The following SPAM1 variants were observed in gnomAD, a reference collection of about 807,000 sequenced individuals.
SPAM1 encodes the protein sperm adhesion molecule 1.
Under a neutral mutation model 29.6 loss-of-function variants are expected in SPAM1, and 22 were observed. The ratio of observed to expected loss-of-function variants is 0.74; its 90% CI spans 0.53 to 1.06. The LOEUF is 1.06. Among genes scored for constraint, SPAM1 ranks in the 50% least tolerant of loss-of-function variants. The probability of loss-of-function intolerance (pLI) is 0.00; values close to 1 mark genes in which losing one functional copy is unlikely to be tolerated. For missense variants in SPAM1, 534 were observed against 604.0 expected, an observed-to-expected ratio of 0.88 and a Z score of 1.21; for synonymous variants, 194 against 204.6, an observed-to-expected ratio of 0.95 and a Z score of 0.44.
At chr7:123,957,564 T>C (rs1792275435) in intron 4 of SPAM1, among the ~76,000 whole-genome samples, 1 of 152,030 alleles carries the variant, frequency 6.6e-6, no homozygotes, top group African/African-American at 2.4e-5. Context: ...TAGTTTTCTA[T>C]TGCTTTCATA....
At chr7:123,957,425 T>C (rs942134750) in intron 4 of SPAM1, among the ~76,000 whole-genome samples, 3 of 151,892 alleles carry the variant, frequency 2.0e-5, no homozygotes, top group African/African-American at 7.2e-5. Flanking sequence ...AGAATGGATG[T>C]GGGAAGGTTG....
Position 123,953,623 on chromosome 7 carries a change from G to A in SPAM1, c.53G>A (p.Ser18Asn), listed in dbSNP as rs774245869. 87 of 1,606,380 alleles carry A rather than the reference G, an allele frequency of 5.4e-5. No individual in the cohort carries two copies. Among genetic ancestry groups the A allele is most frequent in the Non-Finnish European group, 7.3e-5 (86 of 1,177,836 alleles). Reference protein sequence around the residue: ...HIFFRSFVKSSGVSQIVFTFL... With the variant: ...HIFFRSFVKSNGVSQIVFTFL... The stretch of plus-strand genomic sequence containing the variant: ...TTTTTCAGAAGCTTTGTTAAATCAA[G>A]TGGAGTATCCCAGATAGTTTTCACC... The change falls in exon 3 of 5, where the codon AGT becomes AAT. Residue 18 changes from serine to asparagine, a missense_variant. Transcript: ENST00000682466.
chr7:123,943,334 C>T (rs1427797906), intron 1 of SPAM1, among the ~76,000 whole-genome samples: 3 of 151,998 alleles, frequency 2.0e-5, no homozygotes, highest in African/African-American at 4.8e-5. Context: ...GGTTATAATG[C>T]CACCTTTTGA....
downstream of SPAM1, among the ~76,000 whole-genome samples, chr7:123,962,206 G>A (rs1396856630): frequency 6.6e-6 from 1 of 151,888 alleles, no homozygotes; most frequent in African/African-American, 2.4e-5. Context: ...TTTGATAACA[G>A]CAATTCTAAC....
intron 1 of SPAM1, among the ~76,000 whole-genome samples, chr7:123,938,768 G>C (rs1203866514): frequency 1.3e-5 from 2 of 152,190 alleles, no homozygotes; most frequent in African/African-American, 2.4e-5. Context: ...CAAACCCATA[G>C]CCCTCATTAT....
At position 123,951,293 on chromosome 7, in the gene SPAM1, G is replaced by A. The variant is rs116330761; in HGVS notation, c.-207+1310G>A. On this transcript the variant is annotated intron_variant, in intron 2 of 4. Transcript: ENST00000682466. ...TCCAGTTTGTTCCATTTTTGTTTTTGTTGCATTTGCTTTTGGGGTCTTAGT... is the reference window on the plus strand; with the variant it reads ...TCCAGTTTGTTCCATTTTTGTTTTTATTGCATTTGCTTTTGGGGTCTTAGT... Among the ~76,000 whole-genome samples the A allele has an allele frequency of 2.8e-3, 424 of 152,026 alleles. 2 individuals carry two copies. The highest frequency in any genetic ancestry group is 9.9e-3 in the African/African-American group (410 of 41,494).
chr7:123,937,565 C>T (rs925047460), intron 1 of SPAM1, among the ~76,000 whole-genome samples: 14 of 136,566 alleles, frequency 1.0e-4, no homozygotes, highest in Middle Eastern at 4.2e-3. Flanking sequence ...CGCGCCACTG[C>T]ACTCCAGCCT....
Position 123,929,291 on chromosome 7 carries a change from G to C in SPAM1, c.-319+3939G>C, listed in dbSNP as rs1162400432. On this transcript the variant is annotated intron_variant, in intron 1 of 4. Transcript: ENST00000682466. The stretch of plus-strand genomic sequence containing the variant: ...CACTTTTATGAGGCCCTAAATATCA[G>C]CTGCCAGCTGAGTCATTTCCTGGTC... Among the ~76,000 whole-genome samples the C allele has an allele frequency of 2.6e-5, 4 of 152,214 alleles. No homozygotes were observed. The South Asian group carries it at 8.3e-4, about 32-fold the overall frequency.
intron 1 of SPAM1, among the ~76,000 whole-genome samples, chr7:123,939,932 A>T (rs1808377305): frequency 6.6e-6 from 1 of 152,074 alleles, no homozygotes; most frequent in Admixed American, 6.5e-5. Flanking sequence ...CCTCTTAGTA[A>T]TTTTCTATCC....
chr7:123,926,526 C>T lies in SPAM1; in HGVS notation c.-319+1174C>T, dbSNP rs1807889632. On this transcript the variant is annotated intron_variant, in intron 1 of 4. Coordinates refer to ENST00000682466, the MANE Select transcript of SPAM1 (RefSeq NM_153189.3). ...AATATTTGAAGAGAATTATTCTGAG[C>T]CAAATATGAGTGATTATGGCCCCGT... Among the ~76,000 whole-genome samples the T allele has an allele frequency of 2.6e-5, 4 of 152,092 alleles. No individual in the cohort carries two copies. The South Asian group carries it at 8.3e-4, about 31-fold the overall frequency.
intron 1 of SPAM1, among the ~76,000 whole-genome samples, chr7:123,946,265 G>C (rs1048604071): frequency 1.3e-5 from 2 of 152,084 alleles, no homozygotes; most frequent in Non-Finnish European, 2.9e-5. Flanking sequence ...CAAAATAAAC[G>C]TTAGATCTCA....
At chr7:123,948,873 C>G (rs1808675046) in intron 1 of SPAM1, among the ~76,000 whole-genome samples, 1 of 151,664 alleles carries the variant, frequency 6.6e-6, no homozygotes, top group African/African-American at 2.4e-5. Flanking sequence ...TGACTGACTT[C>G]TATATCTGTT....
chr7:123,956,024 T>C (rs1388932792), intron 4 of SPAM1, among the ~76,000 whole-genome samples: 1 of 151,982 alleles, frequency 6.6e-6, no homozygotes, highest in Non-Finnish European at 1.5e-5. Context: ...ACTATTTTCT[T>C]TTCTTTTTAA....
chr7:123,933,379 A>G (rs1456662435), intron 1 of SPAM1, among the ~76,000 whole-genome samples: 1 of 152,178 alleles, frequency 6.6e-6, no homozygotes, highest in Admixed American at 6.5e-5. Flanking sequence ...TATTATTTTT[A>G]CATGCACATT....
At chr7:123,961,878 G>A (rs1035304700), downstream of SPAM1, among the ~76,000 whole-genome samples, 5 of 151,932 alleles carry the variant, frequency 3.3e-5, no homozygotes, top group South Asian at 6.2e-4. Flanking sequence ...TGAGAGACAA[G>A]GGAAAGGGGA....
chr7:123,925,261 C>T lies in SPAM1; in HGVS notation c.-410C>T, dbSNP rs1458302474. 3.3e-5 allele frequency: 5 copies of T among 152,220 alleles called. No homozygotes were observed. The highest frequency in any genetic ancestry group is 2.6e-4 in the Admixed American group (4 of 15,284). 9.4% of individuals were successfully genotyped at this position (152,220 alleles called of 1,614,324 possible). On this transcript the variant is annotated 5_prime_UTR_variant, in exon 1 of 5. Transcript: ENST00000682466. ...CTTCCAGTTGTCCTGAGAGTGATGACTGGCTCCACCTTGATGTGGCTCACA... is the reference window on the plus strand; with the variant it reads ...CTTCCAGTTGTCCTGAGAGTGATGATTGGCTCCACCTTGATGTGGCTCACA...
intron 1 of SPAM1, among the ~76,000 whole-genome samples, chr7:123,949,559 CATT>C (rs2117052311): frequency 6.6e-6 from 1 of 152,160 alleles, no homozygotes; most frequent in African/African-American, 2.4e-5. Flanking sequence ...CATTTCTTAT[CATT>C]GGTATTGCTT....
At chr7:123,956,901 A>G (rs1334933979) in intron 4 of SPAM1, among the ~76,000 whole-genome samples, 2 of 151,970 alleles carry the variant, frequency 1.3e-5, no homozygotes, top group African/African-American at 2.4e-5. Flanking sequence ...CTATGGATAT[A>G]TATACAAATG....
chr7:123,934,826 G>A (rs1213817858), intron 1 of SPAM1, among the ~76,000 whole-genome samples: 2 of 152,130 alleles, frequency 1.3e-5, no homozygotes, highest in Admixed American at 6.5e-5. Context: ...ATTACTAGAA[G>A]CTGGGAAGAG....
Sources: gnomAD v4.1 joint callset for allele counts (sites outside exome capture counted in the v4.1 genomes callset) on GRCh38, gnomAD v4.1.1 for gene constraint, MANE v1.5 for transcripts, NCBI Gene and HGNC (gene_info 2026-07-23, HGNC 2026-07-21) for gene names.